Variants in TSC22D2 observed in about 807,000 individuals in gnomAD.
The protein encoded by TSC22D2 is TSC22 domain family member 2, also known as TSC22 domain family protein 2.
Under a neutral mutation model 50.1 loss-of-function variants are expected in TSC22D2, and 5 were observed. The observed-to-expected ratio is 0.10, with a 90% CI of 0.05 to 0.21. TSC22D2 has a LOEUF of 0.21. Among genes scored for constraint, TSC22D2 ranks in the 10% least tolerant of loss-of-function variants. The pLI, the probability that TSC22D2 is intolerant of heterozygous loss-of-function variation, is 1.00. For missense variants in TSC22D2, 1,003 were observed against 1,015.5 expected (o/e 0.99, Z 0.17); for synonymous variants, 501 against 450.1 (o/e 1.11, Z -1.43).
At chr3:150,428,883 A>G (rs939524834) in intron 1 of TSC22D2, among the ~76,000 whole-genome samples, 1 of 152,194 alleles carries the variant, frequency 6.6e-6, no homozygotes, top group Non-Finnish European at 1.5e-5. Context: ...TCTTGCCATC[A>G]CTAGAAATAA....
Position 150,459,572 on chromosome 3 carries a change from G to GTTTTTTTTTTTTTTTT in TSC22D2, c.*949_*950insTTTTTTTTTTTTTTTT, listed in dbSNP as rs11330414. ...TAATGGAGTTTGGTTTTTTTTTGTT[G>GTTTTTTTTTTTTTTTT]TTTTTTTTTTTTTGTCTTTTTTTTT... On this transcript the variant is annotated 3_prime_UTR_variant, in exon 3 of 3. Coordinates refer to ENST00000688009, the MANE Select transcript of TSC22D2 (RefSeq NM_001303264.2). 3.5e-5 allele frequency: 4 copies of GTTTTTTTTTTTTTTTT among 115,552 alleles called. No homozygotes were observed. The highest frequency in any genetic ancestry group is 6.5e-5 in the African/African-American group (2 of 30,664). The allele number at this position is 115,552 out of a possible 1,614,324, so 7.2% of individuals were successfully genotyped here. A position where few individuals can be genotyped will look rare whatever the true frequency, so the allele number is the denominator to read the frequency against.
Position 150,409,739 on chromosome 3 carries a change from C to T in TSC22D2, c.389C>T (p.Ala130Val), listed in dbSNP as rs1292300881. ...GCGGCGGCTGCCACTTCGGCCCCCG[C>T]CCCCGGAGCACCCGGCGGCCCCCAG... ...TLAAAATSAPAPGAPGGPQLA... is the reference protein window; with the variant it reads ...TLAAAATSAPVPGAPGGPQLA... Residue 130 changes from alanine (A) to valine (V), a missense_variant, in exon 1 of 3, where the codon GCC (alanine) becomes GTC (valine). Coordinates refer to ENST00000688009, the MANE Select transcript of TSC22D2 (RefSeq NM_001303264.2). The surrounding 1 kb of genome is among the most constrained non-coding windows in gnomAD (Gnocchi z 7.4). 2 of 1,601,196 alleles carry T rather than the reference C, an allele frequency of 1.2e-6. No homozygotes were observed. Among genetic ancestry groups the T allele is most frequent in the East Asian group, 2.2e-5 (1 of 44,746 alleles).
rs1020181294 is a variant in TSC22D2, at chr3:150,463,313, C to A, written c.*4677C>A. On this transcript the variant is annotated 3_prime_UTR_variant, in exon 3 of 3. Coordinates refer to ENST00000688009, the MANE Select transcript of TSC22D2 (RefSeq NM_001303264.2). ...TTTTGCTAGGCTTTAGCCTTTTATT[C>A]TTTGACATAGGTCAGTCCTGCAGGC... 1 of 152,250 alleles carries A rather than the reference C, an allele frequency of 6.6e-6. No individual in the cohort carries two copies. Among genetic ancestry groups the A allele is most frequent in the African/African-American group, 2.4e-5 (1 of 41,460 alleles). 9.4% of individuals were successfully genotyped at this position (152,250 alleles called of 1,614,324 possible). A position where few individuals can be genotyped will look rare whatever the true frequency, so the allele number is the denominator to read the frequency against.
chr3:150,447,603 C>A (rs1720926822), intron 1 of TSC22D2, among the ~76,000 whole-genome samples: 1 of 151,972 alleles, frequency 6.6e-6, no homozygotes, highest in Non-Finnish European at 1.5e-5. Context: ...CCACTTCATC[C>A]CCCCACCAAA....
rs986752043 is a variant in TSC22D2 at position 150,465,849 on chromosome 3, C to A, written c.*7213C>A. 1.6e-4 allele frequency: 24 copies of A among 152,032 alleles called. No homozygotes were observed. Among genetic ancestry groups the A allele is most frequent in the African/African-American group, 5.1e-4 (21 of 41,390 alleles). The allele number at this position is 152,032 out of a possible 1,614,324, so 9.4% of individuals were successfully genotyped here. A position where few individuals can be genotyped will look rare whatever the true frequency, so the allele number is the denominator to read the frequency against. On this transcript the variant is annotated 3_prime_UTR_variant, in exon 3 of 3. Coordinates refer to ENST00000688009, the MANE Select transcript of TSC22D2 (RefSeq NM_001303264.2). ...CACAATGTATACACTCATTATATACCCATTTTATAATGCCCATTAGTCATT... is the reference window on the plus strand; with the variant it reads ...CACAATGTATACACTCATTATATACACATTTTATAATGCCCATTAGTCATT...
intron 1 of TSC22D2, among the ~76,000 whole-genome samples, chr3:150,415,911 G>A (rs1381692805): frequency 6.6e-6 from 1 of 152,214 alleles, no homozygotes; most frequent in Non-Finnish European, 1.5e-5. Context: ...AGGAATGGGA[G>A]TCTATCTTTC....
chr3:150,416,192 G>A (rs1719792542), intron 1 of TSC22D2, among the ~76,000 whole-genome samples: 1 of 152,180 alleles, frequency 6.6e-6, no homozygotes, highest in Non-Finnish European at 1.5e-5. Context: ...CTGAGGAATG[G>A]TGTTCTAATT....
intron 1 of TSC22D2, among the ~76,000 whole-genome samples, chr3:150,447,445 A>G (rs1206056597): frequency 6.6e-6 from 1 of 152,154 alleles, no homozygotes; most frequent in African/African-American, 2.4e-5. Flanking sequence ...TGGAGTTCTC[A>G]ATACCTATAT....
chr3:150,448,200 G>A (rs573296061), intron 1 of TSC22D2, among the ~76,000 whole-genome samples: 2 of 150,928 alleles, frequency 1.3e-5, no homozygotes, highest in Non-Finnish European at 3.0e-5. Flanking sequence ...ATAATGCTAC[G>A]TAGGATGACT....
intron 1 of TSC22D2, among the ~76,000 whole-genome samples, chr3:150,448,432 C>A (rs1397186144): frequency 1.3e-5 from 2 of 152,092 alleles, no homozygotes; most frequent in Non-Finnish European, 2.9e-5. Flanking sequence ...TGCAGTGAAC[C>A]ATGATCATGC....
intron 1 of TSC22D2, among the ~76,000 whole-genome samples, chr3:150,450,701 TCTC>T (rs1046708349): frequency 3.9e-5 from 6 of 152,150 alleles, no homozygotes; most frequent in Non-Finnish European, 5.9e-5. Context: ...TATTTTTTAG[TCTC>T]CTCTTACAGA....
At chr3:150,452,510 CAG>C (rs1314999409) in intron 1 of TSC22D2, among the ~76,000 whole-genome samples, 2 of 151,868 alleles carry the variant, frequency 1.3e-5, no homozygotes, top group African/African-American at 2.4e-5. Flanking sequence ...TAACTTGTGA[CAG>C]AGTTGGAAAT....
rs932204324 is a variant in TSC22D2 at position 150,460,323 on chromosome 3, T to G, written c.*1687T>G. 5.3e-5 allele frequency: 8 copies of G among 152,226 alleles called. No homozygotes were observed. The highest frequency in any genetic ancestry group is 4.6e-4 in the Admixed American group (7 of 15,288). 9.4% of individuals were successfully genotyped at this position (152,226 alleles called of 1,614,324 possible). A position where few individuals can be genotyped will look rare whatever the true frequency, so the allele number is the denominator to read the frequency against. ...GATACTTAAGTAGGAAATCCTTGTC[T>G]ACCAAAACTTTTACTTGAATTCAGA... On this transcript the variant is annotated 3_prime_UTR_variant, in exon 3 of 3. Coordinates refer to ENST00000688009, the MANE Select transcript of TSC22D2 (RefSeq NM_001303264.2).
intron 1 of TSC22D2, among the ~76,000 whole-genome samples, chr3:150,430,808 A>C (rs1720352900): frequency 6.6e-6 from 1 of 151,764 alleles, no homozygotes; most frequent in South Asian, 2.1e-4. Flanking sequence ...TAGATAACAG[A>C]AGGAAGTCTG....
intron 1 of TSC22D2, among the ~76,000 whole-genome samples, chr3:150,448,642 T>C (rs1256370026): frequency 6.6e-6 from 1 of 152,192 alleles, no homozygotes; most frequent in African/African-American, 2.4e-5. Flanking sequence ...AATTTTACTT[T>C]TGTATCAGTC....
At chr3:150,441,323 T>G (rs1720712174) in intron 1 of TSC22D2, among the ~76,000 whole-genome samples, 1 of 152,184 alleles carries the variant, frequency 6.6e-6, no homozygotes, top group Non-Finnish European at 1.5e-5. Flanking sequence ...AAGCTAATAC[T>G]GATATGTGAT....
chr3:150,442,782 T>A (rs1720759919), intron 1 of TSC22D2, among the ~76,000 whole-genome samples: 1 of 152,154 alleles, frequency 6.6e-6, no homozygotes, highest in African/African-American at 2.4e-5. Context: ...TGAGTAACCC[T>A]GTCTCTACCT....
chr3:150,442,213 C>CT (rs11435559), intron 1 of TSC22D2, among the ~76,000 whole-genome samples: 88,495 of 151,910 alleles, frequency 0.58, 26,193 homozygotes, highest in Non-Finnish European at 0.64. Flanking sequence ...GATCCAAGAG[C>CT]TATGTGCCCC....
chr3:150,419,462 T>G (rs1719934790), intron 1 of TSC22D2, among the ~76,000 whole-genome samples: 1 of 152,114 alleles, frequency 6.6e-6, no homozygotes, highest in African/African-American at 2.4e-5. Flanking sequence ...ATGGTGCTTG[T>G]TGATGTTCTT....
Sources: allele counts gnomAD v4.1 joint callset (sites outside exome capture counted in the v4.1 genomes callset), GRCh38; gene constraint gnomAD v4.1.1; non-coding constraint Gnocchi (gnomAD v3.1); transcripts MANE v1.5; gene names NCBI Gene and HGNC (gene_info 2026-07-23, HGNC 2026-07-21).